ZNF600: variants seen among roughly 807,000 people sequenced by gnomAD.
ZNF600 encodes zinc finger protein 600, also known as zinc finger protein KR-ZNF1.
ZNF600 carries 4 observed loss-of-function variants against 7.3 expected under a neutral mutation model. The ratio of observed to expected loss-of-function variants is 0.55; its 90% confidence interval spans 0.27 to 1.25. The LOEUF (loss-of-function observed/expected upper bound fraction) is 1.25. Ranked by LOEUF, ZNF600 falls within the 50% of genes most tolerant of loss-of-function variation. The pLI, the probability that ZNF600 is intolerant of heterozygous loss-of-function variation, is 0.12. For missense variants in ZNF600, 911 were observed against 922.1 expected (o/e 0.99, Z 0.16); for synonymous variants, 290 against 308.9 (o/e 0.94, Z 0.64).
the ZNF600 span, among the ~76,000 whole-genome samples, chr19:52,792,435 A>T: frequency 6.6e-6 from 1 of 152,092 alleles, no homozygotes; most frequent in Non-Finnish European, 1.5e-5. Context: ...AGAAACTCAA[A>T]AGAAGGACCC....
upstream of ZNF600, among the ~76,000 whole-genome samples, chr19:52,788,110 G>A (rs1178167805): frequency 1.1e-4 from 17 of 150,436 alleles, no homozygotes; most frequent in Admixed American, 9.9e-4. Flanking sequence ...TCTGGTGTGA[G>A]CCCTTCCCAG....
the ZNF600 span, among the ~76,000 whole-genome samples, chr19:52,809,573 C>G: frequency 7.0e-4 from 106 of 152,224 alleles, no homozygotes; most frequent in Non-Finnish European, 1.2e-3. Context: ...TTTAAGAGGT[C>G]AAGGCGGGTG....
intron 2 of ZNF600, among the ~76,000 whole-genome samples, chr19:52,777,881 C>T (rs2030304859): frequency 6.6e-6 from 1 of 152,042 alleles, no homozygotes; most frequent in African/African-American, 2.4e-5. Flanking sequence ...CATACGGTGA[C>T]CCATGCCTAT....
chr19:52,783,264 AC>A (rs1396776594), intron 1 of ZNF600, among the ~76,000 whole-genome samples: 2 of 152,164 alleles, frequency 1.3e-5, no homozygotes, highest in Non-Finnish European at 2.9e-5. Flanking sequence ...AGAGAAAACA[AC>A]ATGTCATCAC....
the ZNF600 span, among the ~76,000 whole-genome samples, chr19:52,816,799 G>T: frequency 6.6e-6 from 1 of 151,194 alleles, no homozygotes; most frequent in Non-Finnish European, 1.5e-5. Flanking sequence ...CCACTGCACT[G>T]CAGCCTGGGC....
At chr19:52,767,856 A>G (rs570524334) in intron 3 of ZNF600, 84 bp from the exon 6 acceptor site, 2 of 1,454,760 alleles carry the variant, frequency 1.4e-6, no homozygotes, top group East Asian at 2.4e-5. Flanking sequence ...CACAAAAAAC[A>G]ATACTTATTT....
the ZNF600 span, among the ~76,000 whole-genome samples, chr19:52,802,802 C>G: frequency 6.6e-6 from 1 of 150,876 alleles, no homozygotes; most frequent in African/African-American, 2.4e-5. Flanking sequence ...GCTCTGTCGC[C>G]CAGGCTGGAG....
chr19:52,829,054 T>C, the ZNF600 span, among the ~76,000 whole-genome samples: 7 of 152,148 alleles, frequency 4.6e-5, no homozygotes, highest in South Asian at 1.0e-3. Context: ...TTAGTAGAGA[T>C]GGGGTTTCAC....
At chr19:52,767,624 A>G in exon 4 of ZNF600, 2 of 1,613,982 alleles carry the variant, frequency 1.2e-6, no homozygotes, top group Non-Finnish European at 1.7e-6. Context: ...ACTGAAACTC[A>G]ATATCATGAA....
the ZNF600 span, among the ~76,000 whole-genome samples, chr19:52,804,477 T>C: frequency 6.6e-6 from 1 of 152,056 alleles, no homozygotes; most frequent in African/African-American, 2.4e-5. Context: ...TTCCAGTGAT[T>C]CTCCTGCCTC....
At chr19:52,807,939 G>C in the ZNF600 span, 85 of 1,605,752 alleles carry the variant, frequency 5.3e-5, 2 homozygotes, top group East Asian at 1.8e-3. Flanking sequence ...TAAGGATGTG[G>C]CTCCCAAGAG....
At chr19:52,801,003 C>T in the ZNF600 span, 880 of 1,613,962 alleles carry the variant, frequency 5.5e-4, 1 homozygote, top group South Asian at 1.8e-3. Flanking sequence ...TGTATTGTGA[C>T]CAAAGATCTT....
the ZNF600 span, among the ~76,000 whole-genome samples, chr19:52,792,667 C>T: frequency 6.6e-6 from 1 of 152,162 alleles, no homozygotes; most frequent in Non-Finnish European, 1.5e-5. Context: ...AGTTGTCCCG[C>T]CTTTCCAGAA....
the ZNF600 span, among the ~76,000 whole-genome samples, chr19:52,814,042 C>A: frequency 6.9e-6 from 1 of 145,880 alleles, no homozygotes. Flanking sequence ...AAAGAAAAAA[C>A]TTTTTTAAGT....
chr19:52,787,886 A>AAAAG (rs1159619838), upstream of ZNF600, among the ~76,000 whole-genome samples: 109 of 113,552 alleles, frequency 9.6e-4, no homozygotes, highest in African/African-American at 2.9e-3. Flanking sequence ...AAGAAAAAGA[A>AAAAG]AAAGAAATAT....
the ZNF600 span, among the ~76,000 whole-genome samples, chr19:52,823,087 G>T: frequency 2.0e-5 from 3 of 152,084 alleles, no homozygotes; most frequent in Admixed American, 6.6e-5. Flanking sequence ...TTCAAGGAAG[G>T]TTACTTTATC....
chr19:52,794,719 G>A, the ZNF600 span, among the ~76,000 whole-genome samples: 4 of 152,120 alleles, frequency 2.6e-5, no homozygotes, highest in African/African-American at 9.7e-5. Flanking sequence ...GCCAGGTCTG[G>A]TGGTGTGCAT....
At chr19:52,788,511 G>T (rs2062783087), upstream of ZNF600, among the ~76,000 whole-genome samples, 1 of 152,170 alleles carries the variant, frequency 6.6e-6, no homozygotes, top group South Asian at 2.1e-4. Context: ...CCTCACCAGG[G>T]ATAAAGATGG....
chr19:52,780,705 G>C (rs191266573), intron 1 of ZNF600: 1 of 152,194 alleles, frequency 6.6e-6, no homozygotes, highest in East Asian at 1.9e-4. Flanking sequence ...TCCAGCCTCA[G>C]CCACAAGAGT....
Sources: gnomAD v4.1 joint callset for allele counts (sites outside exome capture counted in the v4.1 genomes callset) on GRCh38, gnomAD v4.1.1 for gene constraint, MANE v1.5 for transcripts, NCBI Gene and HGNC (gene_info 2026-07-23, HGNC 2026-07-21) for gene names.